MRPL55: variants seen among roughly 807,000 people sequenced by gnomAD.
MRPL55 encodes mitochondrial ribosomal protein L55, also known as large ribosomal subunit protein mL55.
A neutral mutation model predicts 10.6 loss-of-function variants in MRPL55; 7 were observed. The observed-to-expected ratio is 0.66, with a 90% CI of 0.38 to 1.24. The LOEUF is 1.24. Ranked by LOEUF, MRPL55 falls within the 50% of genes most tolerant of loss-of-function variation. The probability of loss-of-function intolerance (pLI) is 0.02; values close to 1 mark genes in which losing one functional copy is unlikely to be tolerated. For missense variants in MRPL55, 148 were observed against 180.3 expected (o/e 0.82, Z 1.03); for synonymous variants, 57 against 71.8 (o/e 0.79, Z 1.04).
rs765396403 is a variant in MRPL55, at chr1:228,106,842, G to A, written c.305C>T (p.Ser102Leu). The change falls in exon 5 of 5, where the codon TCG becomes TTG. Residue 102 changes from serine to leucine, a missense_variant. Coordinates refer to ENST00000336520, the MANE Select transcript of MRPL55 (RefSeq NM_181463.3). ...RLRKREAQLQ[S>L]RKEYEQELSD... ...GAGCTCCTGCTCGTACTCCTTCCTC[G>A]ACTGGAGCTGAGCCTCACGCTTCCG... 27 of 1,613,738 alleles carry A rather than the reference G, an allele frequency of 1.7e-5. No homozygotes were observed. The highest frequency in any genetic ancestry group is 2.2e-5 in the East Asian group (1 of 44,894).
Position 228,108,294 on chromosome 1 carries a change from G to A in MRPL55, c.-34C>T, listed in dbSNP as rs200335007. The A allele has an allele frequency of 1.0e-3, 1,638 of 1,606,578 alleles. No homozygotes were observed. The highest frequency in any genetic ancestry group is 1.2e-3 in the Non-Finnish European group (1,421 of 1,176,714). On this transcript the variant is annotated 5_prime_UTR_variant, in exon 3 of 5. Coordinates refer to ENST00000336520, the MANE Select transcript of MRPL55 (RefSeq NM_181463.3). ...ACAGCCCCAGTGGCACGTGGAGGTG[G>A]TCAGTACAGGCCCTGGCGTGCAACC...
At chr1:228,108,350 A>T (rs1479300663) in intron 2 of MRPL55, 32 bp from the exon 3 acceptor site, 2 of 1,384,504 alleles carry the variant, frequency 1.4e-6, no homozygotes, top group Non-Finnish European at 2.0e-6. Flanking sequence ...GATCTTTTTT[A>T]AAAGGAAGGT....
Position 228,108,938 on chromosome 1 carries a change from C to G in MRPL55, c.-59+17G>C, listed in dbSNP as rs1226498585. 6.5e-6 allele frequency: 1 copy of G among 152,812 alleles called. No individual in the cohort carries two copies. The highest frequency in any genetic ancestry group is 1.9e-4 in the East Asian group (1 of 5,196). 9.5% of individuals were successfully genotyped at this position (152,812 alleles called of 1,614,324 possible). A position where few individuals can be genotyped will look rare whatever the true frequency, so the allele number is the denominator to read the frequency against. The stretch of plus-strand genomic sequence containing the variant: ...TGCTACGTGTCCTATGCCCACATCC[C>G]TCTCCCTCGGCCTCACCAGCACAGG... On this transcript the variant is annotated intron_variant, in intron 2 of 4. Transcript: ENST00000336520.
At chr1:228,107,616 A>C in intron 4 of MRPL55, 52 bp downstream of exon 4, 1 of 1,569,538 alleles carries the variant, frequency 6.4e-7, no homozygotes, top group Non-Finnish European at 8.7e-7. Flanking sequence ...CACCCCCACC[A>C]CAGCCTCGAC....
intron 2 of MRPL55, 200 bp from the exon 3 acceptor site, chr1:228,108,518 A>C: frequency 1.9e-6 from 1 of 522,318 alleles, no homozygotes; most frequent in African/African-American, 1.9e-5. Context: ...ACTACTCCCA[A>C]AGATTCTGAG....
rs1329603444 is a variant in MRPL55, at chr1:228,108,271, A to T, written c.-11T>A. On this transcript the variant is annotated 5_prime_UTR_variant, in exon 3 of 5. Coordinates refer to ENST00000336520, the MANE Select transcript of MRPL55 (RefSeq NM_181463.3). ...GCCCACGGCCGCCATTCCTCCTTACAGCCCCAGTGGCACGTGGAGGTGGTC... is the reference window on the plus strand; with the variant it reads ...GCCCACGGCCGCCATTCCTCCTTACTGCCCCAGTGGCACGTGGAGGTGGTC... The T allele has an allele frequency of 6.2e-7, 1 of 1,610,960 alleles. No individual in the cohort carries two copies.
At chr1:228,107,480 G>A (rs1448628634) in intron 4 of MRPL55, among the ~76,000 whole-genome samples, 188 bp downstream of exon 4, 1 of 152,128 alleles carries the variant, frequency 6.6e-6, no homozygotes, top group Non-Finnish European at 1.5e-5. Context: ...TCTAATTTTG[G>A]TGCTTAGAGT....
Position 228,106,720 on chromosome 1 carries a change from C to G in MRPL55, c.*40G>C, listed in dbSNP as rs375626807. 33 of 1,580,520 alleles carry G rather than the reference C, an allele frequency of 2.1e-5. No homozygotes were observed. The highest frequency in any genetic ancestry group is 6.9e-5 in the Admixed American group (4 of 57,964). Reference sequence around the variant, plus strand: ...AAGAACGAGTGATTTAAGAACAGCCCTCCCATCTTAGCAATGTCCCGGGGT... The same window carrying G: ...AAGAACGAGTGATTTAAGAACAGCCGTCCCATCTTAGCAATGTCCCGGGGT... On this transcript the variant is annotated 3_prime_UTR_variant, in exon 5 of 5. Transcript: ENST00000336520.
At chr1:228,108,535 T>A (rs1558098369) in intron 2 of MRPL55, 1 of 505,584 alleles carries the variant, frequency 2.0e-6, no homozygotes, top group Non-Finnish European at 3.5e-6. Flanking sequence ...TGAGTCAGCC[T>A]GCGGCAGGGC....
At chr1:228,106,969 G>A (rs778543735) in intron 4 of MRPL55, 51 bp from the exon 5 acceptor site, 3 of 1,519,916 alleles carry the variant, frequency 2.0e-6, no homozygotes, top group African/African-American at 1.4e-5. Context: ...GACCTTGAGA[G>A]CTACTGGGGG....
At chr1:228,108,157 C>T (rs978307883) in intron 3 of MRPL55, 78 bp downstream of exon 3, 29 of 1,551,974 alleles carry the variant, frequency 1.9e-5, no homozygotes, top group South Asian at 5.9e-5. Flanking sequence ...ATTAGAATGG[C>T]GGTTTCCTGC....
chr1:228,108,165 T>C, intron 3 of MRPL55, 70 bp downstream of exon 3: 1 of 1,563,730 alleles, frequency 6.4e-7, no homozygotes, highest in East Asian at 2.3e-5. Flanking sequence ...GGCGGTTTCC[T>C]GCTGAAGAGA....
Position 228,106,950 on chromosome 1 carries a change from G to A in MRPL55, c.229-32C>T, listed in dbSNP as rs767415809. 5 of 1,591,874 alleles carry A rather than the reference G, an allele frequency of 3.1e-6. No individual in the cohort carries two copies. The East Asian group carries it at 9.0e-5, about 29-fold the overall frequency. ...GGGACAGACCAAGTTTCGTCCATGT[G>A]GATCGAGGGACCTTGAGAGCTACTG... is the stretch of plus-strand genomic sequence containing the variant. On this transcript the variant is annotated intron_variant, in intron 4 of 4. Coordinates refer to ENST00000336520, the MANE Select transcript of MRPL55 (RefSeq NM_181463.3).
At chr1:228,108,375 G>C (rs2033425186) in intron 2 of MRPL55, 57 bp from the exon 3 acceptor site, 3 of 1,160,518 alleles carry the variant, frequency 2.6e-6, no homozygotes, top group Non-Finnish European at 3.7e-6. Flanking sequence ...CCACCTAATG[G>C]TTTCTTATCA....
In MRPL55 at chr1:228,107,657, G is replaced by C. The variant is rs1340197026; in HGVS notation, c.228+11C>G. The C allele has an allele frequency of 6.2e-7, 1 of 1,612,156 alleles. No individual in the cohort carries two copies. The highest frequency in any genetic ancestry group is 8.5e-7 in the Non-Finnish European group (1 of 1,179,840). On this transcript the variant is annotated intron_variant, in intron 4 of 4. Transcript: ENST00000336520. ...CCCGGCACCTGGAAGCACCTGGAGA[G>C]GGAAGCTTACCGCCAGCATGCGCCG...
At position 228,108,142 on chromosome 1, in the gene MRPL55, G is replaced by A. The variant is rs149847629; in HGVS notation, c.26+93C>T. 6,743 of 1,544,210 alleles carry A rather than the reference G, an allele frequency of 4.4e-3. 25 individuals carry two copies. The highest frequency in any genetic ancestry group is 5.4e-3 in the Non-Finnish European group (6,216 of 1,140,980). ...GACAGTGGACAATAGCAAGGACTAG[G>A]GAGGATTAGAATGGCGGTTTCCTGC... On this transcript the variant is annotated intron_variant, in intron 3 of 4. Coordinates refer to ENST00000336520, the MANE Select transcript of MRPL55 (RefSeq NM_181463.3).
In MRPL55 at chr1:228,106,902, T is replaced by C; in HGVS notation, c.245A>G (p.Asp82Gly). ...RRMLAMPIDL[D>G]TLSPEERRAR... Reference sequence around the variant, plus strand: ...CCGGCGCTCCTCAGGAGACAGGGTGTCCAGATCTATGGGCATCTGCAGGGG... The same window carrying C: ...CCGGCGCTCCTCAGGAGACAGGGTGCCCAGATCTATGGGCATCTGCAGGGG... Residue 82 changes from aspartate (D) to glycine (G), a missense_variant, in exon 5 of 5, where the codon GAC becomes GGC. Asp to Gly is a moderately conservative substitution (Grantham distance 94). Transcript: ENST00000336520. The C allele has an allele frequency of 6.2e-7, 1 of 1,613,414 alleles. No homozygotes were observed. Among genetic ancestry groups the C allele is most frequent in the South Asian group, 1.1e-5 (1 of 91,032 alleles).
At position 228,106,788 on chromosome 1, in the gene MRPL55, C is replaced by T. The variant is rs765181332; in HGVS notation, c.359G>A (p.Arg120Gln). The T allele has an allele frequency of 7.4e-6, 12 of 1,613,794 alleles. No individual in the cohort carries two copies. Among genetic ancestry groups the T allele is most frequent in the African/African-American group, 4.0e-5 (3 of 74,950 alleles). Residue 120 changes from arginine (R) to glutamine (Q), a missense_variant, in exon 5 of 5, where the codon CGA (arginine) becomes CAA (glutamine). Coordinates refer to ENST00000336520, the MANE Select transcript of MRPL55 (RefSeq NM_181463.3). ...CTTCTTGGTCCTGGTCCAGAACTGT[C>T]GGTAGCGCTCCACATGCAAGTCATC... is the stretch of plus-strand genomic sequence containing the variant. ...LSDDLHVERY[R>Q]QFWTRTKK
In MRPL55 at chr1:228,107,861, C is replaced by T; in HGVS notation, c.35G>A (p.Arg12Lys). Residue 12 changes from arginine (R) to lysine (K), a missense_variant, in exon 4 of 5, where the codon AGG (arginine) becomes AAG (lysine). Transcript: ENST00000336520. ...TCCGGTGGCCTTCACGGTGCTCTGC[C>T]TCAGCCGGCTGCAGATAAATGTTCA... is the stretch of plus-strand genomic sequence containing the variant. ...AAVGSLLGRL[R>K]QSTVKATGPA... 6.2e-7 allele frequency: 1 copy of T among 1,613,024 alleles called. No homozygotes were observed. Among genetic ancestry groups the T allele is most frequent in the Non-Finnish European group, 8.5e-7 (1 of 1,179,968 alleles).
Sources: allele counts gnomAD v4.1 joint callset (sites outside exome capture counted in the v4.1 genomes callset), GRCh38; gene constraint gnomAD v4.1.1; transcripts MANE v1.5; gene names NCBI Gene and HGNC (gene_info 2026-07-23, HGNC 2026-07-21).